MOSPD2: variants seen among roughly 807,000 people sequenced by gnomAD.
MOSPD2 encodes motile sperm domain-containing protein 2.
Under a neutral mutation model 41.7 loss-of-function variants are expected in MOSPD2, and 5 were observed. The ratio of observed to expected loss-of-function variants is 0.12; its 90% confidence interval spans 0.06 to 0.25. The LOEUF (loss-of-function observed/expected upper bound fraction) is 0.25, where lower values mean the gene tolerates loss of function less well. Among genes scored for constraint, MOSPD2 ranks in the 10% least tolerant of loss-of-function variants. The pLI is 1.00. For missense variants in MOSPD2, 282 were observed against 375.2 expected (o/e 0.75, Z 2.05); for synonymous variants, 115 against 126.9 (o/e 0.91, Z 0.63).
chrX:14,881,986 G>A (rs1335650902), intron 2 of MOSPD2, among the ~76,000 whole-genome samples: 2 of 109,878 alleles, frequency 1.8e-5, no homozygotes, highest in East Asian at 5.8e-4. Flanking sequence ...CACAGGGTGG[G>A]GAACATCACA....
chrX:14,874,318 T>C (rs1301690663), intron 2 of MOSPD2: 2 of 113,915 alleles, frequency 1.8e-5, no homozygotes, highest in African/African-American at 3.2e-5. Flanking sequence ...TGGTTGAACA[T>C]TCTGTGTCCA....
In MOSPD2 at chrX:14,873,506, C is replaced by T. The variant is rs201816519; in HGVS notation, c.-23C>T. ...GTAGAACGGGCGACGGCGACAACCG[C>T]AATCACATCCACGACGGTGATCATG... On this transcript the variant is annotated 5_prime_UTR_variant, in exon 1 of 15. Transcript: ENST00000380492. 8.3e-6 allele frequency: 10 copies of T among 1,210,561 alleles called. No individual in the cohort carries two copies. Among genetic ancestry groups the T allele is most frequent in the Non-Finnish European group, 1.0e-5 (9 of 895,183 alleles).
Position 14,921,367 on chromosome X carries a change from T to C in MOSPD2, c.*1558T>C. 3.2e-6 allele frequency: 3 copies of C among 937,494 alleles called. No homozygotes were observed. The highest frequency in any genetic ancestry group is 4.0e-6 in the Non-Finnish European group (3 of 755,782). 77.3% of individuals were successfully genotyped at this position (937,494 alleles called of 1,213,427 possible). On this transcript the variant is annotated 3_prime_UTR_variant, in exon 15 of 15. Transcript: ENST00000380492. Reference sequence around the variant, plus strand: ...TGTGCTACTTTGTCTTAATTTGGGCTTTTCTGTTTCAGTTTGCCACCTCCA... The same window carrying C: ...TGTGCTACTTTGTCTTAATTTGGGCCTTTCTGTTTCAGTTTGCCACCTCCA...
intron 7 of MOSPD2, among the ~76,000 whole-genome samples, chrX:14,905,611 A>T (rs187507937): frequency 9.0e-6 from 1 of 110,816 alleles, no homozygotes; most frequent in Non-Finnish European, 1.9e-5. Context: ...CTCCTGCCTC[A>T]GCCTCCCAAG....
Position 14,921,110 on chromosome X carries a change from G to A in MOSPD2, c.*1301G>A, listed in dbSNP as rs2092608905. 7 of 831,651 alleles carry A rather than the reference G, an allele frequency of 8.4e-6. No individual in the cohort carries two copies. Among genetic ancestry groups the A allele is most frequent in the Non-Finnish European group, 1.0e-5 (7 of 688,940 alleles). 68.5% of individuals were successfully genotyped at this position (831,651 alleles called of 1,213,427 possible). A position where few individuals can be genotyped will look rare whatever the true frequency, so the allele number is the denominator to read the frequency against. On this transcript the variant is annotated 3_prime_UTR_variant, in exon 15 of 15. Transcript: ENST00000380492. The stretch of plus-strand genomic sequence containing the variant: ...GTTTTCTCATTAATATGACCAGTTT[G>A]GGTCTATGTTGGTTCACATGTACAT...
At chrX:14,874,884 T>A (rs965151861) in intron 2 of MOSPD2, among the ~76,000 whole-genome samples, 1 of 112,348 alleles carries the variant, frequency 8.9e-6, no homozygotes. Flanking sequence ...AGTTCCCATT[T>A]CTAATAATAT....
chrX:14,906,161 T>C (rs1913204500), intron 7 of MOSPD2, among the ~76,000 whole-genome samples: 1 of 112,133 alleles, frequency 8.9e-6, no homozygotes, highest in South Asian at 3.7e-4. Context: ...GTTGGAGGAC[T>C]TAACACTTCC....
chrX:14,910,045 C>T (rs753938883), intron 8 of MOSPD2, among the ~76,000 whole-genome samples: 15 of 110,227 alleles, frequency 1.4e-4, no homozygotes, highest in South Asian at 3.8e-4. Context: ...TGTATAGAAA[C>T]GGTTATTTTA....
chrX:14,895,160 T>C (rs1328132986), intron 3 of MOSPD2, 148 bp from the exon 4 acceptor site: 10 of 431,558 alleles, frequency 2.3e-5, no homozygotes, highest in Admixed American at 4.3e-5. Flanking sequence ...AGCACCACTT[T>C]ATATTGCCAG....
At chrX:14,884,431 G>A (rs16979696) in intron 2 of MOSPD2, among the ~76,000 whole-genome samples, 2,356 of 111,235 alleles carry the variant, frequency 0.021, 55 homozygotes, top group African/African-American at 0.073. Flanking sequence ...CTTAAAATAA[G>A]GGTAATCATT....
rs2092608813 is a variant in MOSPD2 at position 14,921,069 on chromosome X, G to A, written c.*1260G>A. ...AAAGATACACCTTGCAGTAGCAGAGGCAATGACATGAGTTTGTTTTCTCAT... is the reference window on the plus strand; with the variant it reads ...AAAGATACACCTTGCAGTAGCAGAGACAATGACATGAGTTTGTTTTCTCAT... On this transcript the variant is annotated 3_prime_UTR_variant, in exon 15 of 15. Transcript: ENST00000380492. 1.3e-6 allele frequency: 1 copy of A among 785,609 alleles called. No individual in the cohort carries two copies. 64.7% of individuals were successfully genotyped at this position (785,609 alleles called of 1,213,427 possible).
At chrX:14,885,635 C>T (rs1346768836) in intron 2 of MOSPD2, among the ~76,000 whole-genome samples, 4 of 110,701 alleles carry the variant, frequency 3.6e-5, no homozygotes, top group African/African-American at 1.3e-4. Flanking sequence ...TAAAGTTTGC[C>T]AATCTTGTCA....
At chrX:14,915,821 C>A in intron 12 of MOSPD2, 57 bp downstream of exon 12, 1 of 988,023 alleles carries the variant, frequency 1.0e-6, no homozygotes, top group Non-Finnish European at 1.4e-6. Flanking sequence ...GTAAGGGGAC[C>A]TGGACCTTGG....
intron 6 of MOSPD2, among the ~76,000 whole-genome samples, chrX:14,902,072 CTG>C (rs1441359879): frequency 9.0e-6 from 1 of 110,752 alleles, no homozygotes; most frequent in Non-Finnish European, 1.9e-5. Flanking sequence ...GCTTCAAAAT[CTG>C]TCATGAAGAA....
chrX:14,912,125 TAAGGG>T (rs2092592807), intron 9 of MOSPD2, 119 bp from the exon 10 acceptor site: 1 of 358,405 alleles, frequency 2.8e-6, no homozygotes. Context: ...TAAAGACTCT[TAAGGG>T]AAGGACCATA....
At chrX:14,904,024 G>A (rs750887083) in intron 7 of MOSPD2, among the ~76,000 whole-genome samples, 28 of 111,875 alleles carry the variant, frequency 2.5e-4, no homozygotes, top group Non-Finnish European at 4.5e-4. Flanking sequence ...AACTTCCCAC[G>A]AAGAAAAGCC....
intron 10 of MOSPD2, among the ~76,000 whole-genome samples, chrX:14,913,105 G>A (rs959349463): frequency 9.0e-6 from 1 of 111,643 alleles, no homozygotes; most frequent in Non-Finnish European, 1.9e-5. Context: ...ATTTATCTCC[G>A]CCATCTATAT....
rs138780913 is a variant in MOSPD2, at chrX:14,886,546, CGAGA to C, written c.80-6154_80-6151del. Among the ~76,000 whole-genome samples the C allele has an allele frequency of 5.1e-3, 523 of 101,764 alleles. 4 individuals carry two copies. The highest frequency in any genetic ancestry group is 0.02 in the Middle Eastern group (4 of 202). 88.4% of individuals were successfully genotyped at this position (101,764 alleles called of 115,157 possible). Reference sequence around the variant, plus strand: ...ACACACACACATGCACGCACACACACGAGAGAGAGAGAGAGAGAGAGAGAGAAAT... The same window carrying C: ...ACACACACACATGCACGCACACACACGAGAGAGAGAGAGAGAGAGAGAAAT... On this transcript the variant is annotated intron_variant, in intron 2 of 14. Transcript: ENST00000380492.
intron 6 of MOSPD2, among the ~76,000 whole-genome samples, chrX:14,902,151 A>AT (rs2092574316): frequency 8.9e-6 from 1 of 111,767 alleles, no homozygotes; most frequent in Non-Finnish European, 1.9e-5. Context: ...AGACTGAGGT[A>AT]TTAAGCACCA....
Sources: gnomAD v4.1 joint callset for allele counts (sites outside exome capture counted in the v4.1 genomes callset) on GRCh38, gnomAD v4.1.1 for gene constraint, MANE v1.5 for transcripts, NCBI Gene and HGNC (gene_info 2026-07-23, HGNC 2026-07-21) for gene names.